GRID2IP: variants seen among roughly 807,000 people sequenced by gnomAD.
GRID2IP encodes Grid2 interacting protein.
Under a neutral mutation model 114.3 loss-of-function variants are expected in GRID2IP, and 78 were observed. The ratio of observed to expected loss-of-function variants is 0.68; its 90% CI spans 0.57 to 0.82. GRID2IP has a LOEUF of 0.82. Among genes scored for constraint, GRID2IP ranks in the 40% least tolerant of loss-of-function variants. The probability of loss-of-function intolerance (pLI) is 0.00; values close to 1 mark genes in which losing one functional copy is unlikely to be tolerated. For synonymous variants in GRID2IP, 809 were observed against 724.0 expected (o/e 1.12, Z -1.89); for missense variants, 1,727 against 1,678.5 (o/e 1.03, Z -0.51).
At chr7:6,542,762 G>C (rs1272934173) in intron 1 of GRID2IP, among the ~76,000 whole-genome samples, 3 of 152,192 alleles carry the variant, frequency 2.0e-5, no homozygotes, top group Non-Finnish European at 4.4e-5. Flanking sequence ...GGATGGTAGT[G>C]ATGGGTGTTA....
chr7:6,551,271 C>A lies in GRID2IP; in HGVS notation c.166G>T (p.Ala56Ser), dbSNP rs1394779032. Residue 56 changes from alanine to serine, a missense_variant, in exon 1 of 22, where the codon GCG (alanine) becomes TCG (serine). Transcript: ENST00000457091. Reference sequence around the variant, plus strand: ...CGCTCGCGGCTCAGACCGCCCACCGCCAGCCCCTCCACCTCCAGGATCTGG... The same window carrying A: ...CGCTCGCGGCTCAGACCGCCCACCGACAGCCCCTCCACCTCCAGGATCTGG... ...GDQILEVEGL[A>S]VGGLSRERLV... is the part of the protein sequence containing the mutation. 6.5e-7 allele frequency: 1 copy of A among 1,538,598 alleles called. No individual in the cohort carries two copies. The highest frequency in any genetic ancestry group is 8.7e-7 in the Non-Finnish European group (1 of 1,146,240).
At position 6,532,430 on chromosome 7, in the gene GRID2IP, C is replaced by T. The variant is rs1043668032; in HGVS notation, c.585-5661G>A. ...CTGCAGGCAGCACAGGGAGGACCCT[C>T]TGGTCCGATCATCGGTCTCTGGTAC... On this transcript the variant is annotated intron_variant, in intron 2 of 21. Coordinates refer to ENST00000457091, the MANE Select transcript of GRID2IP (RefSeq NM_001145118.2). The surrounding 1 kb of genome is among the most constrained non-coding windows in gnomAD (Gnocchi z 4.4). Among the ~76,000 whole-genome samples, 2 of 152,186 alleles carry T rather than the reference C, an allele frequency of 1.3e-5. No homozygotes were observed. The highest frequency in any genetic ancestry group is 4.8e-5 in the African/African-American group (2 of 41,438).
In GRID2IP at chr7:6,507,960, C is replaced by A; in HGVS notation, c.2544+25G>T. 6.5e-7 allele frequency: 1 copy of A among 1,548,978 alleles called. No homozygotes were observed. Among genetic ancestry groups the A allele is most frequent in the Non-Finnish European group, 8.7e-7 (1 of 1,146,266 alleles). On this transcript the variant is annotated intron_variant, in intron 13 of 21. Transcript: ENST00000457091. The surrounding 1 kb of genome is among the most constrained non-coding windows in gnomAD (Gnocchi z 5.3). ...CAAGCCATCCTCCCCCAGTACAGAG[C>A]GCTGCTGGGTCCCAGGTCACCTACC...
At position 6,506,592 on chromosome 7, in the gene GRID2IP, C is replaced by CA. The variant is rs1483400187; in HGVS notation, c.2545-686dup. ...CCAATGGAAGAACCACGCTGTGGAG[C>CA]AATACTTGAAGATCGGTCCAAGGCT... On this transcript the variant is annotated intron_variant, in intron 13 of 21. Transcript: ENST00000457091. The surrounding 1 kb of genome is among the most constrained non-coding windows in gnomAD (Gnocchi z 5.2). 6.6e-6 allele frequency among the ~76,000 whole-genome samples: 1 copy of CA among 151,650 alleles called. No homozygotes were observed. Among genetic ancestry groups the CA allele is most frequent in the Non-Finnish European group, 1.5e-5 (1 of 68,000 alleles).
chr7:6,527,518 C>T (rs1023739095), intron 2 of GRID2IP, among the ~76,000 whole-genome samples: 1 of 152,196 alleles, frequency 6.6e-6, no homozygotes, highest in African/African-American at 2.4e-5. Context: ...AAGTAGTTAC[C>T]TTGGAAGTGA....
intron 20 of GRID2IP, among the ~76,000 whole-genome samples, chr7:6,499,220 G>A (rs997606053): frequency 2.0e-5 from 3 of 152,168 alleles, no homozygotes; most frequent in African/African-American, 7.2e-5. Flanking sequence ...TGGTGCCTGA[G>A]CCACGGTTGA....
chr7:6,511,013 C>G lies in GRID2IP; in HGVS notation c.1450G>C (p.Glu484Gln), dbSNP rs1438457877. ...TAEPEPELDL[E>Q]SEPTPEPQPR... Reference sequence around the variant, plus strand: ...TGGGGCTCAGGCGTGGGCTCGGACTCCAGGTCCAGCTCAGGCTCCGGCTCT... The same window carrying G: ...TGGGGCTCAGGCGTGGGCTCGGACTGCAGGTCCAGCTCAGGCTCCGGCTCT... The change falls in exon 9 of 22, where the codon GAG becomes CAG. Residue 484 changes from glutamate to glutamine, a missense_variant. Glu to Gln is a conservative substitution (Grantham distance 29). Transcript: ENST00000457091. The G allele has an allele frequency of 3.3e-6, 5 of 1,498,766 alleles. No homozygotes were observed. The highest frequency in any genetic ancestry group is 4.5e-6 in the Non-Finnish European group (5 of 1,123,488). 92.8% of individuals were successfully genotyped at this position (1,498,766 alleles called of 1,614,324 possible).
intron 7 of GRID2IP, among the ~76,000 whole-genome samples, chr7:6,518,081 T>C (rs62441274): frequency 6.7e-6 from 1 of 149,104 alleles, no homozygotes; most frequent in African/African-American, 2.5e-5. Flanking sequence ...AAAAAAAAAT[T>C]AGCTGGGCAT....
rs1779372155 is a variant in GRID2IP, at chr7:6,519,462, A to G, written c.1268+1116T>C. On this transcript the variant is annotated intron_variant, in intron 7 of 21. Coordinates refer to ENST00000457091, the MANE Select transcript of GRID2IP (RefSeq NM_001145118.2). This position sits in a 1 kb window ranked among gnomAD's most constrained non-coding sequence, Gnocchi z 4.1. ...GAGACCTCCCCATCTTTTTTAAAAA[A>G]CAAAACCAAACCAGGCCAGGTGCGG... 1.3e-5 allele frequency among the ~76,000 whole-genome samples: 2 copies of G among 152,122 alleles called. No individual in the cohort carries two copies. Among genetic ancestry groups the G allele is most frequent in the Admixed American group, 1.3e-4 (2 of 15,260 alleles).
rs953037797 is a variant in GRID2IP at position 6,548,179 on chromosome 7, C to T, written c.429+2829G>A. 5.9e-5 allele frequency among the ~76,000 whole-genome samples: 9 copies of T among 152,200 alleles called. No individual in the cohort carries two copies. The South Asian group carries it at 8.3e-4, about 14-fold the overall frequency. On this transcript the variant is annotated intron_variant, in intron 1 of 21. Transcript: ENST00000457091. Reference sequence around the variant, plus strand: ...ACCAGCCTGGACAACATAGTGAAACCGTGTCTCTACTATAAATACAAAAAT... The same window carrying T: ...ACCAGCCTGGACAACATAGTGAAACTGTGTCTCTACTATAAATACAAAAAT...
Position 6,514,483 on chromosome 7 carries a change from G to T in GRID2IP, c.1315C>A (p.Pro439Thr). Residue 439 changes from proline to threonine, a missense_variant, in exon 8 of 22, where the codon CCT (proline) becomes ACT (threonine). By Grantham distance (38) the Pro-to-Thr change is conservative. Transcript: ENST00000457091. ...AACTGCCACAGGACCTGCTTGGCAG[G>T]GGTGTCCAGCACAGGGTAGACGTCA... ...IVDVYPVLDT[P>T]AKQVLWQFIY... 6.5e-7 allele frequency: 1 copy of T among 1,548,846 alleles called. No homozygotes were observed.
At chr7:6,547,559 C>G (rs1779906129) in intron 1 of GRID2IP, among the ~76,000 whole-genome samples, 3 of 152,048 alleles carry the variant, frequency 2.0e-5, no homozygotes, top group Admixed American at 2.0e-4. Flanking sequence ...AAAACAACAA[C>G]AATAAAAAAT....
Position 6,526,514 on chromosome 7 carries a change from C to T in GRID2IP, c.833+7G>A. The stretch of plus-strand genomic sequence containing the variant: ...GCCCGCTGCCAGTGCCTGTGAGCCC[C>T]GCGTACCTGCGCGCGCCCCCGGGGC... On this transcript the variant is annotated splice_region_variant and intron_variant, in intron 3 of 21. Coordinates refer to ENST00000457091, the MANE Select transcript of GRID2IP (RefSeq NM_001145118.2). This position sits in a 1 kb window ranked among gnomAD's most constrained non-coding sequence, Gnocchi z 7.6. The T allele has an allele frequency of 7.9e-7, 1 of 1,263,834 alleles. No individual in the cohort carries two copies. The highest frequency in any genetic ancestry group is 9.9e-7 in the Non-Finnish European group (1 of 1,006,152). The allele number at this position is 1,263,834 out of a possible 1,614,324, so 78.3% of individuals were successfully genotyped here.
chr7:6,531,776 C>T (rs1419908802), intron 2 of GRID2IP, among the ~76,000 whole-genome samples: 3 of 152,116 alleles, frequency 2.0e-5, no homozygotes, highest in Non-Finnish European at 4.4e-5. Context: ...TTTCATGGTT[C>T]CAGGAGAGGT....
rs147492629 is a variant in GRID2IP, at chr7:6,526,637, C to T, written c.717G>A (p.Pro239=). The T allele has an allele frequency of 3.4e-3, 4,585 of 1,356,008 alleles. 142 individuals carry two copies. In the African/African-American group the frequency reaches 0.064, roughly 19 times the overall value. 84.0% of individuals were successfully genotyped at this position (1,356,008 alleles called of 1,614,324 possible). ...CGCGCGTGGACACCAGGAGGCGCTCCGGCCGCTCCTCGCTGCGGCTCCGGC... is the reference window on the plus strand; with the variant it reads ...CGCGCGTGGACACCAGGAGGCGCTCTGGCCGCTCCTCGCTGCGGCTCCGGC... ...RLRRSRSEER[P]ERLLVSTRAS... Residue 239 remains proline, a synonymous_variant, in exon 3 of 22, where the codon CCG becomes CCA. Transcript: ENST00000457091. This position sits in a 1 kb window ranked among gnomAD's most constrained non-coding sequence, Gnocchi z 7.6.
At chr7:6,514,256 A>C (rs1779246689) in intron 8 of GRID2IP, 119 bp downstream of exon 8, 1 of 1,013,114 alleles carries the variant, frequency 9.9e-7, no homozygotes, top group Non-Finnish European at 1.4e-6. Flanking sequence ...TCCATTTCAA[A>C]ACAAACAAAC....
At chr7:6,505,009 C>T (rs1351786636) in intron 14 of GRID2IP, 139 bp from the exon 15 acceptor site, 2 of 687,962 alleles carry the variant, frequency 2.9e-6, no homozygotes, top group Non-Finnish European at 5.2e-6. Flanking sequence ...GTCCATAGTC[C>T]CTTCATTCCT....
rs1779726219 is a variant in GRID2IP, at chr7:6,536,525, A to G, written c.584+3193T>C. Among the ~76,000 whole-genome samples, 1 of 151,538 alleles carries G rather than the reference A, an allele frequency of 6.6e-6. No individual in the cohort carries two copies. Among genetic ancestry groups the G allele is most frequent in the Non-Finnish European group, 1.5e-5 (1 of 67,830 alleles). On this transcript the variant is annotated intron_variant, in intron 2 of 21. Transcript: ENST00000457091. This position sits in a 1 kb window ranked among gnomAD's most constrained non-coding sequence, Gnocchi z 5.3. ...CGGGGGGCAGGCGGGCTGGCCCGGG[A>G]GGGGGCAGGAACAGACACCGGCAGC...
In GRID2IP at chr7:6,521,349, C is replaced by T. The variant is rs1039367551; in HGVS notation, c.1084+80G>A. 2.2e-5 allele frequency: 23 copies of T among 1,034,528 alleles called. No homozygotes were observed. The African/African-American group carries it at 2.9e-4, about 13-fold the overall frequency. The allele number at this position is 1,034,528 out of a possible 1,614,324, so 64.1% of individuals were successfully genotyped here. On this transcript the variant is annotated intron_variant, in intron 6 of 21. Transcript: ENST00000457091. The surrounding 1 kb of genome is among the most constrained non-coding windows in gnomAD (Gnocchi z 4.1). Reference sequence around the variant, plus strand: ...AGGTTTAGGGGAAGAGCTGAGTCCTCCGCACTGTGACTCTCACATATAGCA... The same window carrying T: ...AGGTTTAGGGGAAGAGCTGAGTCCTTCGCACTGTGACTCTCACATATAGCA...
Sources: allele counts gnomAD v4.1 joint callset (sites outside exome capture counted in the v4.1 genomes callset), GRCh38; gene constraint gnomAD v4.1.1; non-coding constraint Gnocchi (gnomAD v3.1); transcripts MANE v1.5; gene names NCBI Gene and HGNC (gene_info 2026-07-23, HGNC 2026-07-21).